The following RNF220 variants were observed in gnomAD, a reference collection of about 807,000 sequenced individuals.
RNF220 encodes ring finger protein 220, also known as E3 ubiquitin-protein ligase RNF220.
Under a neutral mutation model 67.1 loss-of-function variants are expected in RNF220, and 7 were observed. The observed-to-expected ratio is 0.10, with a 90% CI of 0.06 to 0.20. The LOEUF (loss-of-function observed/expected upper bound fraction) is 0.20. Ranked by LOEUF, RNF220 falls within the 10% of genes least tolerant of loss-of-function variation. The probability of loss-of-function intolerance (pLI) is 1.00; values close to 1 mark genes in which losing one functional copy is unlikely to be tolerated. For missense variants in RNF220, 565 were observed against 740.3 expected (o/e 0.76, Z 2.75); for synonymous variants, 270 against 283.2 (o/e 0.95, Z 0.47).
chr1:44,548,038 T>A (rs1462812193), intron 2 of RNF220, among the ~76,000 whole-genome samples: 2 of 152,170 alleles, frequency 1.3e-5, no homozygotes, highest in East Asian at 3.8e-4. Flanking sequence ...AGTACCGCTA[T>A]TGTCCCAGGC....
rs1643855553 is a variant in RNF220, at chr1:44,622,882, C to T, written c.804+95C>T. 1.1e-5 allele frequency: 11 copies of T among 986,688 alleles called. No homozygotes were observed. Among genetic ancestry groups the T allele is most frequent in the Non-Finnish European group, 1.3e-5 (8 of 620,772 alleles). 61.1% of individuals were successfully genotyped at this position (986,688 alleles called of 1,614,324 possible). On this transcript the variant is annotated intron_variant, in intron 4 of 14. Coordinates refer to ENST00000361799, the MANE Select transcript of RNF220 (RefSeq NM_018150.4). This position sits in a 1 kb window ranked among gnomAD's most constrained non-coding sequence, Gnocchi z 4.3. Reference sequence around the variant, plus strand: ...GAGAAAAAGGAGCTTTTCTAGTATCCTCAACTATCTCCAGCTTTTCTAATA... The same window carrying T: ...GAGAAAAAGGAGCTTTTCTAGTATCTTCAACTATCTCCAGCTTTTCTAATA...
chr1:44,645,233 C>G lies in RNF220; in HGVS notation c.1323C>G (p.Pro441=), dbSNP rs995707364. The G allele has an allele frequency of 6.2e-7, 1 of 1,614,136 alleles. No individual in the cohort carries two copies. Among genetic ancestry groups the G allele is most frequent in the South Asian group, 1.1e-5 (1 of 91,088 alleles). The change falls in exon 11 of 15, where the codon CCC becomes CCG. Residue 441 remains proline (P), a synonymous_variant. Transcript: ENST00000361799. The surrounding 1 kb of genome is among the most constrained non-coding windows in gnomAD (Gnocchi z 5.0). ...TCCTTTCCTCCAGTGGCGGCCCTCC[C>G]AGCACGCGCATCACACCTGAGTTCT... The part of the protein sequence containing the change: ...LRGAVLNGGP[P]STRITPEFSK...
chr1:44,518,603 G>A (rs987191406), intron 2 of RNF220, among the ~76,000 whole-genome samples: 5 of 152,036 alleles, frequency 3.3e-5, no homozygotes, highest in African/African-American at 4.8e-5. Flanking sequence ...TGGGCCGGGC[G>A]CGGTGGCTCA....
chr1:44,511,860 G>A lies in RNF220; in HGVS notation c.625+99138G>A, dbSNP rs146182919. Among the ~76,000 whole-genome samples the A allele has an allele frequency of 2.9e-3, 436 of 152,080 alleles. 2 individuals are homozygous for A. Among genetic ancestry groups the A allele is most frequent in the African/African-American group, 0.01 (417 of 41,462 alleles). ...CAGTTTGGAACTAGATACAATGAAA[G>A]GGGGAAAAAATCTGTCATCTCCGGG... On this transcript the variant is annotated intron_variant, in intron 2 of 14. Transcript: ENST00000361799.
chr1:44,559,873 G>A (rs1441459938), intron 2 of RNF220, among the ~76,000 whole-genome samples: 1 of 152,158 alleles, frequency 6.6e-6, no homozygotes, highest in Non-Finnish European at 1.5e-5. Flanking sequence ...CACTTTATTT[G>A]CCCACTCTGA....
intron 2 of RNF220, among the ~76,000 whole-genome samples, chr1:44,596,560 CAA>C (rs112026468): frequency 5.3e-5 from 7 of 132,190 alleles, no homozygotes; most frequent in Admixed American, 7.6e-5. Flanking sequence ...ATTCTGTCTC[CAA>C]AAAAAAAAAA....
chr1:44,636,768 C>G (rs894971657), intron 8 of RNF220, among the ~76,000 whole-genome samples: 5 of 152,242 alleles, frequency 3.3e-5, no homozygotes, highest in African/African-American at 1.2e-4. Flanking sequence ...GGCCCAGCTG[C>G]TCCCTCCTTC....
At position 44,650,812 on chromosome 1, in the gene RNF220, C is replaced by T. The variant is rs1644772216; in HGVS notation, c.*37C>T. On this transcript the variant is annotated 3_prime_UTR_variant, in exon 15 of 15. Coordinates refer to ENST00000361799, the MANE Select transcript of RNF220 (RefSeq NM_018150.4). The surrounding 1 kb of genome is among the most constrained non-coding windows in gnomAD (Gnocchi z 4.3). Reference sequence around the variant, plus strand: ...CAGGCAGGCCTCGCCTCCAGCAGCCCCACCTGCCCCCAGCCTCTGTGACAG... The same window carrying T: ...CAGGCAGGCCTCGCCTCCAGCAGCCTCACCTGCCCCCAGCCTCTGTGACAG... 1.9e-6 allele frequency: 3 copies of T among 1,581,830 alleles called. No individual in the cohort carries two copies. Among genetic ancestry groups the T allele is most frequent in the Admixed American group, 1.7e-5 (1 of 59,962 alleles).
At chr1:44,513,335 C>A (rs991979583) in intron 2 of RNF220, among the ~76,000 whole-genome samples, 1 of 152,206 alleles carries the variant, frequency 6.6e-6, no homozygotes, top group South Asian at 2.1e-4. Flanking sequence ...GGGGGCCAGC[C>A]AGGCTGCCTC....
intron 2 of RNF220, among the ~76,000 whole-genome samples, chr1:44,597,476 A>ATG (rs1666592067): frequency 1.4e-4 from 2 of 13,928 alleles, no homozygotes; most frequent in Admixed American, 6.9e-4. Flanking sequence ...ATGCACACAC[A>ATG]CACACACACA....
At chr1:44,504,359 T>C (rs920784200) in intron 2 of RNF220, among the ~76,000 whole-genome samples, 3 of 152,176 alleles carry the variant, frequency 2.0e-5, no homozygotes, top group African/African-American at 7.2e-5. Context: ...AGGATGTGGA[T>C]ATGAATGGCT....
At chr1:44,511,908 T>TGTGTGTAC (rs1659033489) in intron 2 of RNF220, among the ~76,000 whole-genome samples, 1 of 119,650 alleles carries the variant, frequency 8.4e-6, no homozygotes, top group African/African-American at 3.4e-5. Flanking sequence ...TTGAGAAGCG[T>TGTGTGTAC]GTGTGTGCGT....
At chr1:44,529,217 T>C (rs1200055084) in intron 2 of RNF220, among the ~76,000 whole-genome samples, 3 of 152,174 alleles carry the variant, frequency 2.0e-5, no homozygotes, top group Non-Finnish European at 4.4e-5. Flanking sequence ...ATAAAATGGT[T>C]AAATAAGTTA....
At chr1:44,619,607 G>A (rs1643708361) in intron 3 of RNF220, among the ~76,000 whole-genome samples, 1 of 152,170 alleles carries the variant, frequency 6.6e-6, no homozygotes, top group African/African-American at 2.4e-5. Context: ...TTGTACTTAG[G>A]AATGCGTTTC....
At chr1:44,538,212 T>C (rs914408891) in intron 2 of RNF220, among the ~76,000 whole-genome samples, 20 of 152,208 alleles carry the variant, frequency 1.3e-4, no homozygotes, top group African/African-American at 4.8e-4. Flanking sequence ...TTTCAAACTC[T>C]CATCAATATT....
intron 2 of RNF220, among the ~76,000 whole-genome samples, chr1:44,434,165 GAAATGATGAGCC>G (rs923529315): frequency 7.2e-5 from 11 of 152,004 alleles, no homozygotes; most frequent in Non-Finnish European, 1.3e-4. Flanking sequence ...ATTGAAATAT[GAAATGATGAGCC>G]AGGCACAACT....
chr1:44,632,400 G>T lies in RNF220; in HGVS notation c.949+15G>T, dbSNP rs781566061. On this transcript the variant is annotated intron_variant, in intron 6 of 14. Coordinates refer to ENST00000361799, the MANE Select transcript of RNF220 (RefSeq NM_018150.4). Reference sequence around the variant, plus strand: ...CCGACTGAATGGTGAGTCCTGCCCGGCCCCTCCCTCCGCCCCACCCCCGGC... The same window carrying T: ...CCGACTGAATGGTGAGTCCTGCCCGTCCCCTCCCTCCGCCCCACCCCCGGC... 8.1e-6 allele frequency: 13 copies of T among 1,607,380 alleles called. No individual in the cohort carries two copies. The South Asian group carries it at 1.4e-4, about 18-fold the overall frequency.
At position 44,431,228 on chromosome 1, in the gene RNF220, G is replaced by A. The variant is rs181836924; in HGVS notation, c.625+18506G>A. Among the ~76,000 whole-genome samples, 413 of 152,248 alleles carry A rather than the reference G, an allele frequency of 2.7e-3. 3 individuals are homozygous for A. The highest frequency in any genetic ancestry group is 4.9e-3 in the Non-Finnish European group (331 of 68,006). On this transcript the variant is annotated intron_variant, in intron 2 of 14. Coordinates refer to ENST00000361799, the MANE Select transcript of RNF220 (RefSeq NM_018150.4). ...TGAAATAAGACGGCCGGGCGAGGTG[G>A]CTCATGCCTGTAATCCCAGCAGTTT...
chr1:44,581,347 G>C (rs1365268566), intron 2 of RNF220, among the ~76,000 whole-genome samples: 1 of 152,224 alleles, frequency 6.6e-6, no homozygotes, highest in South Asian at 2.1e-4. Context: ...GGTCCCAGCT[G>C]CTTGTCCCCT....
Sources: gnomAD v4.1 joint callset for allele counts (sites outside exome capture counted in the v4.1 genomes callset) on GRCh38, gnomAD v4.1.1 for gene constraint, Gnocchi (gnomAD v3.1) non-coding constraint, MANE v1.5 for transcripts, NCBI Gene and HGNC (gene_info 2026-07-23, HGNC 2026-07-21) for gene names.